Variants in ZFHX3 observed in about 807,000 individuals in gnomAD.
ZFHX3 encodes the protein zinc finger homeobox 3.
A neutral mutation model predicts 279.1 loss-of-function variants in ZFHX3; 42 were observed. The observed-to-expected ratio is 0.15, with a 90% CI of 0.12 to 0.19. The LOEUF is 0.19. ZFHX3 is among the 10% of genes least tolerant of loss of function. The probability of loss-of-function intolerance (pLI) is 1.00; values close to 1 mark genes in which losing one functional copy is unlikely to be tolerated. For missense variants in ZFHX3, 4,981 were observed against 4,754.0 expected, an observed-to-expected ratio of 1.05 and a Z score of -1.40; for synonymous variants, 2,293 against 1,957.8, an observed-to-expected ratio of 1.17 and a Z score of -4.52.
intron 2 of ZFHX3, among the ~76,000 whole-genome samples, chr16:73,473,303 C>G (rs1256535592): frequency 1.5e-5 from 2 of 134,672 alleles, no homozygotes; most frequent in Non-Finnish European, 3.1e-5. Flanking sequence ...TGTCATGGCA[C>G]TCCAGCCCTG....
At chr16:72,926,102 T>C (rs1204474877) in intron 3 of ZFHX3, among the ~76,000 whole-genome samples, 1 of 152,196 alleles carries the variant, frequency 6.6e-6, no homozygotes, top group East Asian at 1.9e-4. Flanking sequence ...TTCTTTTAAT[T>C]TGGAAACACA....
intron 4 of ZFHX3, among the ~76,000 whole-genome samples, chr16:73,281,557 A>G (rs2014458275): frequency 1.3e-5 from 2 of 152,204 alleles, no homozygotes; most frequent in African/African-American, 2.4e-5. Context: ...GCCTGTGCCT[A>G]TAGCTAACAA....
chr16:73,201,482 T>G (rs1197022613), intron 5 of ZFHX3, among the ~76,000 whole-genome samples: 1 of 152,254 alleles, frequency 6.6e-6, no homozygotes, highest in East Asian at 1.9e-4. Flanking sequence ...CAAAGAGGCT[T>G]GATTAATTAG....
intron 3 of ZFHX3, among the ~76,000 whole-genome samples, chr16:73,326,935 G>A (rs1278551189): frequency 6.6e-6 from 1 of 152,174 alleles, no homozygotes; most frequent in Non-Finnish European, 1.5e-5. Flanking sequence ...TGACATCTTA[G>A]ATAGCTCTCC....
chr16:73,830,661 T>A (rs1319217532), intron 1 of ZFHX3, among the ~76,000 whole-genome samples: 1 of 152,336 alleles, frequency 6.6e-6, no homozygotes, highest in East Asian at 1.9e-4. Flanking sequence ...CTCTCTTCTC[T>A]TCTACAAATT....
intron 4 of ZFHX3, among the ~76,000 whole-genome samples, chr16:72,879,464 C>T (rs761977047): frequency 3.0e-4 from 45 of 152,284 alleles, no homozygotes; most frequent in Admixed American, 1.6e-3. Context: ...CTCGCTCTGT[C>T]GCCCAGGTTG....
intron 1 of ZFHX3, among the ~76,000 whole-genome samples, chr16:73,026,356 G>GAGCA (rs1964500163): frequency 6.6e-6 from 1 of 150,606 alleles, no homozygotes; most frequent in Admixed American, 6.6e-5. Context: ...CTGGGGGGCA[G>GAGCA]AGCAAGACTC....
At chr16:73,309,016 G>T (rs1051585965) in intron 4 of ZFHX3, among the ~76,000 whole-genome samples, 1 of 151,886 alleles carries the variant, frequency 6.6e-6, no homozygotes, top group Non-Finnish European at 1.5e-5. Context: ...AACAAGAAAG[G>T]GTGTTCCAAG....
intron 1 of ZFHX3, among the ~76,000 whole-genome samples, chr16:73,028,382 G>C (rs559528218): frequency 1.8e-4 from 28 of 152,304 alleles, no homozygotes; most frequent in Non-Finnish European, 2.5e-4. Context: ...GAAAGCCAGA[G>C]AACATGCCCA....
At chr16:73,082,429 G>A (rs528858682) in intron 8 of ZFHX3, among the ~76,000 whole-genome samples, 328 of 151,942 alleles carry the variant, frequency 2.2e-3, no homozygotes, top group Non-Finnish European at 3.5e-3. Flanking sequence ...TACCACGCCC[G>A]GCTAATTTTT....
intron 5 of ZFHX3, among the ~76,000 whole-genome samples, chr16:73,172,988 GTTTTTTTGTTTTTTTTTTTGT>G (rs778783735): frequency 0.2 from 9,060 of 45,890 alleles, 588 homozygotes; most frequent in Middle Eastern, 0.31. Context: ...TGATGGGACT[GTTTTTTTGTTTTTTTTTTTGT>G]TTTTTTTTTT....
intron 4 of ZFHX3, among the ~76,000 whole-genome samples, chr16:72,841,880 A>G (rs757521291): frequency 2.6e-5 from 4 of 152,246 alleles, no homozygotes; most frequent in Non-Finnish European, 5.9e-5. Context: ...TTTAAATTCT[A>G]GACTCACACC....
At position 73,805,155 on chromosome 16, in the gene ZFHX3, A is replaced by G. The variant is rs1197826234; in HGVS notation, c.-1608+86496T>C. 4.6e-5 allele frequency among the ~76,000 whole-genome samples: 7 copies of G among 152,008 alleles called. No homozygotes were observed. In the East Asian group the frequency reaches 1.4e-3, roughly 29 times the overall value. ...ATAAGTACCTCTTTATATATTCGTTATATTTTTATTTTTATTATATTTTAT... is the reference window on the plus strand; with the variant it reads ...ATAAGTACCTCTTTATATATTCGTTGTATTTTTATTTTTATTATATTTTAT... On this transcript the variant is annotated intron_variant, in intron 1 of 17. Transcript: ENST00000641206.
At chr16:73,164,732 A>G (rs1967318420) in intron 5 of ZFHX3, among the ~76,000 whole-genome samples, 1 of 151,524 alleles carries the variant, frequency 6.6e-6, no homozygotes, top group South Asian at 2.1e-4. Flanking sequence ...TTTGGAACCC[A>G]CACCATCTAT....
intron 1 of ZFHX3, among the ~76,000 whole-genome samples, chr16:73,023,048 C>G (rs1040040110): frequency 6.6e-6 from 1 of 152,100 alleles, no homozygotes; most frequent in Non-Finnish European, 1.5e-5. Context: ...GCCAACATGG[C>G]AAAACCCCAT....
intron 4 of ZFHX3, among the ~76,000 whole-genome samples, chr16:72,862,712 C>G (rs1177810365): frequency 6.6e-6 from 1 of 152,066 alleles, no homozygotes; most frequent in Non-Finnish European, 1.5e-5. Flanking sequence ...ACAGAAAACA[C>G]AGGGGTACAG....
At chr16:73,010,144 A>C (rs1415153394) in intron 1 of ZFHX3, among the ~76,000 whole-genome samples, 2 of 152,132 alleles carry the variant, frequency 1.3e-5, no homozygotes, top group Non-Finnish European at 2.9e-5. Flanking sequence ...CCACAGAGCA[A>C]GGCCCTTTAA....
At chr16:73,799,581 G>A (rs1960086358) in intron 1 of ZFHX3, among the ~76,000 whole-genome samples, 2 of 152,136 alleles carry the variant, frequency 1.3e-5, no homozygotes, top group Admixed American at 6.5e-5. Context: ...AAACAGCAAA[G>A]ACTCCACACT....
intron 7 of ZFHX3, among the ~76,000 whole-genome samples, chr16:73,101,915 T>C (rs1305017387): frequency 1.8e-5 from 1 of 56,308 alleles, no homozygotes; most frequent in Non-Finnish European, 3.8e-5. Flanking sequence ...TCTCACCTCT[T>C]TTTTTTTTTT....
Sources: allele counts gnomAD v4.1 joint callset (sites outside exome capture counted in the v4.1 genomes callset), GRCh38; gene constraint gnomAD v4.1.1; transcripts MANE v1.5; gene names NCBI Gene and HGNC (gene_info 2026-07-23, HGNC 2026-07-21).